EFNA2: variants seen among roughly 807,000 people sequenced by gnomAD.
The protein encoded by EFNA2 is ephrin A2.
EFNA2 carries 18 observed loss-of-function variants against 19.7 expected under a neutral mutation model. The observed-to-expected ratio is 0.91, with a 90% CI of 0.63 to 1.35. The LOEUF is 1.35. EFNA2 is among the 40% of genes most tolerant of loss of function. The pLI is 0.00. For missense variants in EFNA2, 303 were observed against 296.0 expected, an observed-to-expected ratio of 1.02 and a Z score of -0.17; for synonymous variants, 187 against 137.8, an observed-to-expected ratio of 1.36 and a Z score of -2.50.
chr19:1,298,091 A>G (rs1053888063), intron 2 of EFNA2, among the ~76,000 whole-genome samples: 2 of 151,372 alleles, frequency 1.3e-5, no homozygotes, highest in Non-Finnish European at 2.9e-5. Context: ...AAAAAAAAAA[A>G]AAAAAAAAGA....
At chr19:1,291,831 G>A (rs1256757126) in intron 1 of EFNA2, among the ~76,000 whole-genome samples, 1 of 152,160 alleles carries the variant, frequency 6.6e-6, no homozygotes, top group Non-Finnish European at 1.5e-5. Flanking sequence ...GTGACAGCCA[G>A]GAGGCCCGGG....
chr19:1,298,447 TG>T, intron 2 of EFNA2, 103 bp from the exon 3 acceptor site: 1 of 1,172,918 alleles, frequency 8.5e-7, no homozygotes. Flanking sequence ...GCTCTCCACC[TG>T]GGGTCAGGGT....
In EFNA2 at chr19:1,300,791, A is replaced by G. The variant is rs1456441067; in HGVS notation, c.*846A>G. ...TCTTAGAAACTGCTTTGGCCGATGC[A>G]AACAGCCCCCTACCCGTCCCCCTCG... On this transcript the variant is annotated 3_prime_UTR_variant, in exon 4 of 4. Transcript: ENST00000215368. Among the ~76,000 whole-genome samples the G allele has an allele frequency of 6.6e-6, 1 of 152,120 alleles. No homozygotes were observed. Among genetic ancestry groups the G allele is most frequent in the Non-Finnish European group, 1.5e-5 (1 of 68,010 alleles).
rs2144610670 is a variant in EFNA2, at chr19:1,287,052, G to T, written c.140+744G>T. Among the ~76,000 whole-genome samples, 1 of 152,344 alleles carries T rather than the reference G, an allele frequency of 6.6e-6. No individual in the cohort carries two copies. Among genetic ancestry groups the T allele is most frequent in the South Asian group, 2.1e-4 (1 of 4,832 alleles). On this transcript the variant is annotated intron_variant, in intron 1 of 3. Coordinates refer to ENST00000215368, the MANE Select transcript of EFNA2 (RefSeq NM_001405.4). This position sits in a 1 kb window ranked among gnomAD's most constrained non-coding sequence, Gnocchi z 6.2. Reference sequence around the variant, plus strand: ...ACCCAGGTGGCCCAGTGCCCTGCCTGCCACGCCCGGCCGAGATGCCGCACC... The same window carrying T: ...ACCCAGGTGGCCCAGTGCCCTGCCTTCCACGCCCGGCCGAGATGCCGCACC...
At chr19:1,285,819 C>A (rs929463574), upstream of EFNA2, among the ~76,000 whole-genome samples, 3 of 148,266 alleles carry the variant, frequency 2.0e-5, no homozygotes, top group Admixed American at 6.7e-5. This position sits in a 1 kb window ranked among gnomAD's most constrained non-coding sequence, Gnocchi z 4.1. Flanking sequence ...GCGGCCGGGG[C>A]ACGGCGGGAG....
At position 1,295,988 on chromosome 19, in the gene EFNA2, G is replaced by T. The variant is rs1212494905; in HGVS notation, c.454+130G>T. On this transcript the variant is annotated intron_variant, in intron 2 of 3. Coordinates refer to ENST00000215368, the MANE Select transcript of EFNA2 (RefSeq NM_001405.4). This position sits in a 1 kb window ranked among gnomAD's most constrained non-coding sequence, Gnocchi z 5.8. ...GGGCAGCGCAGTGGGCGGGGCCGCGGTGTGGGGCCAGGGGGGAGTGGGCGG... is the reference window on the plus strand; with the variant it reads ...GGGCAGCGCAGTGGGCGGGGCCGCGTTGTGGGGCCAGGGGGGAGTGGGCGG... 5 of 734,208 alleles carry T rather than the reference G, an allele frequency of 6.8e-6. No individual in the cohort carries two copies. Among genetic ancestry groups the T allele is most frequent in the Non-Finnish European group, 9.6e-6 (5 of 520,224 alleles). The allele number at this position is 734,208 out of a possible 1,614,324, so 45.5% of individuals were successfully genotyped here. A position where few individuals can be genotyped will look rare whatever the true frequency, so the allele number is the denominator to read the frequency against.
Position 1,300,617 on chromosome 19 carries a change from G to T in EFNA2, c.*672G>T, listed in dbSNP as rs1309256630. ...GGACCCCCCTGGTGCTCCAGGTTGG[G>T]TGAGTCTGAGCCGGAAGGGGTACGT... is the stretch of plus-strand genomic sequence containing the variant. On this transcript the variant is annotated 3_prime_UTR_variant, in exon 4 of 4. Coordinates refer to ENST00000215368, the MANE Select transcript of EFNA2 (RefSeq NM_001405.4). 6.6e-6 allele frequency among the ~76,000 whole-genome samples: 1 copy of T among 152,120 alleles called. No homozygotes were observed.
At chr19:1,293,420 G>A (rs564360603) in intron 1 of EFNA2, among the ~76,000 whole-genome samples, 135 of 152,342 alleles carry the variant, frequency 8.9e-4, no homozygotes, top group Admixed American at 1.7e-3. Context: ...AGCCTGTATG[G>A]GGGCTGCCCC....
chr19:1,294,436 G>A lies in EFNA2; in HGVS notation c.141-1109G>A, dbSNP rs2081504945. ...TGGGTTGCGTCTGGGGGACCTCAGGGCAAAGGCCTGGAGGCAGGGCTGGGG... is the reference window on the plus strand; with the variant it reads ...TGGGTTGCGTCTGGGGGACCTCAGGACAAAGGCCTGGAGGCAGGGCTGGGG... On this transcript the variant is annotated intron_variant, in intron 1 of 3. Coordinates refer to ENST00000215368, the MANE Select transcript of EFNA2 (RefSeq NM_001405.4). This position sits in a 1 kb window ranked among gnomAD's most constrained non-coding sequence, Gnocchi z 5.8. Among the ~76,000 whole-genome samples the A allele has an allele frequency of 1.3e-5, 2 of 152,202 alleles. No homozygotes were observed. The highest frequency in any genetic ancestry group is 2.1e-4 in the South Asian group (1 of 4,832).
chr19:1,299,952 C>A lies in EFNA2; in HGVS notation c.*7C>A, dbSNP rs776093573. Reference sequence around the variant, plus strand: ...GACCCTCCTGGGTTCCTAGTCCCAGCCCCGCAGGACGCCGACCCTGCCTGG... The same window carrying A: ...GACCCTCCTGGGTTCCTAGTCCCAGACCCGCAGGACGCCGACCCTGCCTGG... On this transcript the variant is annotated 3_prime_UTR_variant, in exon 4 of 4. Transcript: ENST00000215368. 1.3e-6 allele frequency: 2 copies of A among 1,596,310 alleles called. No individual in the cohort carries two copies. The highest frequency in any genetic ancestry group is 1.7e-6 in the Non-Finnish European group (2 of 1,176,836).
intron 1 of EFNA2, among the ~76,000 whole-genome samples, chr19:1,288,934 A>G (rs1003552018): frequency 6.6e-6 from 1 of 152,196 alleles, no homozygotes; most frequent in Non-Finnish European, 1.5e-5. Context: ...TGGGGCGTCC[A>G]GGGCTTGGAC....
In EFNA2 at chr19:1,286,448, G is replaced by T. The variant is rs2081465410; in HGVS notation, c.140+140G>T. ...ATGCGGGCGCCCGGTTCCCGCGGGA[G>T]CCCCCCAGGGAGCTCCGGCCCCCCG... is the stretch of plus-strand genomic sequence containing the variant. On this transcript the variant is annotated intron_variant, in intron 1 of 3. Transcript: ENST00000215368. The surrounding 1 kb of genome is among the most constrained non-coding windows in gnomAD (Gnocchi z 5.6). The T allele has an allele frequency of 5.2e-6, 1 of 191,098 alleles. No homozygotes were observed. The highest frequency in any genetic ancestry group is 9.6e-6 in the Non-Finnish European group (1 of 104,478). The allele number at this position is 191,098 out of a possible 1,614,324, so 11.8% of individuals were successfully genotyped here.
intron 3 of EFNA2, among the ~76,000 whole-genome samples, chr19:1,298,902 G>A (rs1557831): frequency 5.6e-4 from 86 of 152,260 alleles, no homozygotes; most frequent in African/African-American, 1.9e-3. Flanking sequence ...CAGAGATCAC[G>A]CCACTGCATT....
rs777815023 is a variant in EFNA2, at chr19:1,295,539, C to T, written c.141-6C>T. The T allele has an allele frequency of 1.3e-6, 2 of 1,583,748 alleles. No individual in the cohort carries two copies. The highest frequency in any genetic ancestry group is 2.3e-5 in the East Asian group (1 of 43,760). On this transcript the variant is annotated splice_polypyrimidine_tract_variant and splice_region_variant and intron_variant, in intron 1 of 3. Coordinates refer to ENST00000215368, the MANE Select transcript of EFNA2 (RefSeq NM_001405.4). The surrounding 1 kb of genome is among the most constrained non-coding windows in gnomAD (Gnocchi z 5.8). ...GCGCTGACCTCTGGCCGCCTTGTCCCCGCAGGTTCCACGCAGGCGCGGGGG... is the reference window on the plus strand; with the variant it reads ...GCGCTGACCTCTGGCCGCCTTGTCCTCGCAGGTTCCACGCAGGCGCGGGGG...
intron 1 of EFNA2, among the ~76,000 whole-genome samples, chr19:1,288,254 G>A (rs1279399237): frequency 6.6e-6 from 1 of 152,254 alleles, no homozygotes; most frequent in Admixed American, 6.5e-5. Context: ...GGACATCAGG[G>A]GTCTCTGCAG....
Position 1,301,028 on chromosome 19 carries a change from G to A in EFNA2, c.*1083G>A, listed in dbSNP as rs1184195712. 3.3e-5 allele frequency among the ~76,000 whole-genome samples: 5 copies of A among 150,986 alleles called. No homozygotes were observed. In the South Asian group the frequency reaches 8.4e-4, roughly 25 times the overall value. ...CTGCACTTGGCAATAAGCTCGTGTC[G>A]TCTGTCAGAGCCCCTCTCTCAACTC... On this transcript the variant is annotated 3_prime_UTR_variant, in exon 4 of 4. Coordinates refer to ENST00000215368, the MANE Select transcript of EFNA2 (RefSeq NM_001405.4).
In EFNA2 at chr19:1,287,774, C is replaced by T. The variant is rs933222239; in HGVS notation, c.140+1466C>T. On this transcript the variant is annotated intron_variant, in intron 1 of 3. Transcript: ENST00000215368. This position sits in a 1 kb window ranked among gnomAD's most constrained non-coding sequence, Gnocchi z 6.2. The stretch of plus-strand genomic sequence containing the variant: ...GTCGCTGGCCGTGCGGGGAGTCCAG[C>T]GGGCAGCGCTTCCCCGGCCCAAGTT... Among the ~76,000 whole-genome samples, 3 of 152,378 alleles carry T rather than the reference C, an allele frequency of 2.0e-5. No homozygotes were observed. Among genetic ancestry groups the T allele is most frequent in the African/African-American group, 2.4e-5 (1 of 41,594 alleles).
chr19:1,286,378 G>T lies in EFNA2; in HGVS notation c.140+70G>T. 1.2e-6 allele frequency: 1 copy of T among 831,856 alleles called. No homozygotes were observed. Among genetic ancestry groups the T allele is most frequent in the Non-Finnish European group, 1.4e-6 (1 of 693,102 alleles). The allele number at this position is 831,856 out of a possible 1,614,324, so 51.5% of individuals were successfully genotyped here. ...CCCCCCAAGCCGCGCCCGGCCTCGC[G>T]CCCCCGGAGCTCCGGGCGCCCCCCA... On this transcript the variant is annotated intron_variant, in intron 1 of 3. Coordinates refer to ENST00000215368, the MANE Select transcript of EFNA2 (RefSeq NM_001405.4). This position sits in a 1 kb window ranked among gnomAD's most constrained non-coding sequence, Gnocchi z 5.6.
chr19:1,285,760 GC>G, upstream of EFNA2, among the ~76,000 whole-genome samples: 2 of 150,270 alleles, frequency 1.3e-5, no homozygotes, highest in African/African-American at 4.8e-5. This position sits in a 1 kb window ranked among gnomAD's most constrained non-coding sequence, Gnocchi z 4.1. Flanking sequence ...GACGGGGTGG[GC>G]CGGGGCAGGG....
Sources: allele counts gnomAD v4.1 joint callset (sites outside exome capture counted in the v4.1 genomes callset), GRCh38; gene constraint gnomAD v4.1.1; non-coding constraint Gnocchi (gnomAD v3.1); transcripts MANE v1.5; gene names NCBI Gene and HGNC (gene_info 2026-07-23, HGNC 2026-07-21).